ADISSP: variants seen among roughly 807,000 people sequenced by gnomAD.
The protein encoded by ADISSP is adipose-secreted signaling protein.
chr20:3,763,775 G>T, the ADISSP span, among the ~76,000 whole-genome samples: 1 of 152,320 alleles, frequency 6.6e-6, no homozygotes, highest in Admixed American at 6.5e-5. Flanking sequence ...ATAGTTTAGG[G>T]CTGGGCCTGT....
chr20:3,756,787 A>G, the ADISSP span, among the ~76,000 whole-genome samples: 2 of 152,158 alleles, frequency 1.3e-5, no homozygotes, highest in African/African-American at 4.8e-5. Flanking sequence ...ATTTATAACA[A>G]TGAAAACAAA....
the ADISSP span, chr20:3,755,464 C>T: frequency 1.4e-5 from 22 of 1,604,078 alleles, no homozygotes; most frequent in Admixed American, 5.0e-5. Flanking sequence ...GAGGAGGGGA[C>T]GCACCTTCAG....
the ADISSP span, chr20:3,754,456 A>G: frequency 1.9e-6 from 3 of 1,614,032 alleles, no homozygotes; most frequent in Non-Finnish European, 2.5e-6. Flanking sequence ...TTCGCAGGCT[A>G]GCAGTATCTC....
the ADISSP span, among the ~76,000 whole-genome samples, chr20:3,761,341 T>G: frequency 7.3e-5 from 11 of 151,266 alleles, no homozygotes; most frequent in Middle Eastern, 6.8e-3. Flanking sequence ...TTTTTGTTTT[T>G]TTTTTTTTTC....
the ADISSP span, among the ~76,000 whole-genome samples, chr20:3,755,909 A>G: frequency 2.0e-5 from 3 of 152,136 alleles, no homozygotes; most frequent in African/African-American, 7.2e-5. Flanking sequence ...CCACAAAATG[A>G]CTGGCCAAAG....
the ADISSP span, chr20:3,758,581 C>T: frequency 4.6e-5 from 75 of 1,613,694 alleles, no homozygotes; most frequent in African/African-American, 3.5e-4. This position sits in a 1 kb window ranked among gnomAD's most constrained non-coding sequence, Gnocchi z 5.5. Flanking sequence ...CCATGACCAC[C>T]GAGTCATGCA....
the ADISSP span, among the ~76,000 whole-genome samples, chr20:3,759,671 AC>A: frequency 2.6e-5 from 4 of 152,068 alleles, no homozygotes; most frequent in African/African-American, 9.6e-5. The surrounding 1 kb of genome is among the most constrained non-coding windows in gnomAD (Gnocchi z 4.6). Context: ...TCACCAGATC[AC>A]CCTGGCCTAA....
At chr20:3,767,206 C>T in the ADISSP span, 1 of 152,444 alleles carries the variant, frequency 6.6e-6, no homozygotes, top group Non-Finnish European at 1.5e-5. Flanking sequence ...CACCTTCACT[C>T]ACCTCGGCTG....
At chr20:3,758,420 A>C in the ADISSP span, 1 of 884,666 alleles carries the variant, frequency 1.1e-6, no homozygotes, top group Non-Finnish European at 1.8e-6. The surrounding 1 kb of genome is among the most constrained non-coding windows in gnomAD (Gnocchi z 5.5). Flanking sequence ...ACCAAGGCAC[A>C]GGGAAAGGCA....
the ADISSP span, among the ~76,000 whole-genome samples, chr20:3,765,914 C>G: frequency 6.6e-6 from 1 of 152,180 alleles, no homozygotes; most frequent in African/African-American, 2.4e-5. Context: ...TACCCTTCCC[C>G]ATGAGATGGA....
At chr20:3,754,577 C>T in the ADISSP span, 1 of 1,579,034 alleles carries the variant, frequency 6.3e-7, no homozygotes, top group Non-Finnish European at 8.7e-7. Flanking sequence ...GATCCTGCCC[C>T]TGGCACTCAC....
chr20:3,764,199 A>G, the ADISSP span, among the ~76,000 whole-genome samples: 1 of 152,148 alleles, frequency 6.6e-6, no homozygotes, highest in Non-Finnish European at 1.5e-5. Context: ...CAAGCACAAG[A>G]GTGTGAGGCC....
At chr20:3,758,423 G>C in the ADISSP span, 1 of 920,276 alleles carries the variant, frequency 1.1e-6, no homozygotes, top group South Asian at 1.6e-5. This position sits in a 1 kb window ranked among gnomAD's most constrained non-coding sequence, Gnocchi z 5.5. Flanking sequence ...AAGGCACAGG[G>C]AAAGGCACAG....
the ADISSP span, among the ~76,000 whole-genome samples, chr20:3,757,133 G>A: frequency 5.9e-5 from 9 of 152,064 alleles, no homozygotes; most frequent in African/African-American, 2.2e-4. Flanking sequence ...GACGGATCAC[G>A]AGGTCAGGAG....
chr20:3,755,399 TG>T, the ADISSP span: 2 of 1,479,008 alleles, frequency 1.4e-6, no homozygotes, highest in Non-Finnish European at 1.9e-6. Context: ...CCACCCTAGT[TG>T]GAAGTAAGGG....
At chr20:3,758,496 G>A in the ADISSP span, 1 of 1,596,482 alleles carries the variant, frequency 6.3e-7, no homozygotes, top group Non-Finnish European at 8.5e-7. This position sits in a 1 kb window ranked among gnomAD's most constrained non-coding sequence, Gnocchi z 5.5. Context: ...GCAGAGCCGG[G>A]GAGGGGAAGA....
chr20:3,754,553 C>T, the ADISSP span: 2 of 1,595,242 alleles, frequency 1.3e-6, no homozygotes, highest in Non-Finnish European at 1.7e-6. Context: ...GTCAGCACCT[C>T]CCCCAGCCTC....
chr20:3,765,282 C>T, the ADISSP span, among the ~76,000 whole-genome samples: 1 of 152,188 alleles, frequency 6.6e-6, no homozygotes, highest in Non-Finnish European at 1.5e-5. Context: ...ACAGCTAGGC[C>T]ACCACACAAC....
the ADISSP span, chr20:3,760,270 G>A: frequency 1.6e-6 from 1 of 606,310 alleles, no homozygotes; most frequent in Non-Finnish European, 2.9e-6. Context: ...CTCCCTTTAG[G>A]AAGGACTCAA....
Sources: gnomAD v4.1 joint callset for allele counts (sites outside exome capture counted in the v4.1 genomes callset) on GRCh38, gnomAD v4.1.1 for gene constraint, Gnocchi (gnomAD v3.1) non-coding constraint, MANE v1.5 for transcripts, NCBI Gene and HGNC (gene_info 2026-07-23, HGNC 2026-07-21) for gene names.